The following TMEFF2 variants were observed in gnomAD, a reference collection of about 807,000 sequenced individuals.
The protein encoded by TMEFF2 is transmembrane protein with EGF like and two follistatin like domains 2, also known as tomoregulin-2.
In TMEFF2, 28 loss-of-function variants were observed where a neutral mutation model predicts 53.8. That is an observed-to-expected ratio of 0.52 (90% confidence interval 0.39 to 0.71). The LOEUF is 0.71. TMEFF2 is among the 30% of genes least tolerant of loss of function. The probability of loss-of-function intolerance (pLI) is 0.00; values close to 1 mark genes in which losing one functional copy is unlikely to be tolerated. For synonymous variants in TMEFF2, 162 were observed against 166.3 expected (o/e 0.97, Z 0.20); for missense variants, 353 against 455.2 (o/e 0.78, Z 2.04).
intron 1 of TMEFF2, among the ~76,000 whole-genome samples, chr2:192,193,574 T>A (rs1691513629): frequency 6.6e-6 from 1 of 152,128 alleles, no homozygotes; most frequent in Non-Finnish European, 1.5e-5. Flanking sequence ...CTCGCCTACA[T>A]GGAGCCTGAC....
intron 4 of TMEFF2, among the ~76,000 whole-genome samples, chr2:192,165,125 C>T (rs920594524): frequency 6.6e-6 from 1 of 151,994 alleles, no homozygotes; most frequent in Non-Finnish European, 1.5e-5. Flanking sequence ...AATAGAAACA[C>T]CTTACTTTTA....
At chr2:192,106,242 C>T (rs1689141390) in intron 4 of TMEFF2, among the ~76,000 whole-genome samples, 1 of 151,262 alleles carries the variant, frequency 6.6e-6, no homozygotes, top group African/African-American at 2.4e-5. Flanking sequence ...TGATAAACTG[C>T]CATTAAACAC....
At chr2:192,046,160 T>A (rs2105890961) in intron 5 of TMEFF2, among the ~76,000 whole-genome samples, 2 of 152,072 alleles carry the variant, frequency 1.3e-5, no homozygotes, top group South Asian at 4.2e-4. Context: ...AGGTCAGGAG[T>A]TCGAGACCAA....
At chr2:191,953,483 A>G (rs950759050) in intron 9 of TMEFF2, among the ~76,000 whole-genome samples, 196 bp downstream of exon 9, 1 of 152,220 alleles carries the variant, frequency 6.6e-6, no homozygotes, top group Non-Finnish European at 1.5e-5. Flanking sequence ...AATTAAGGAA[A>G]ATAATTTGTA....
intron 5 of TMEFF2, among the ~76,000 whole-genome samples, chr2:192,040,621 G>A (rs911332877): frequency 2.0e-5 from 3 of 152,072 alleles, no homozygotes; most frequent in East Asian, 1.9e-4. Flanking sequence ...CACTGGGGAC[G>A]CTTTGGGGGT....
chr2:192,007,628 C>A (rs1686530174), intron 5 of TMEFF2, among the ~76,000 whole-genome samples: 1 of 152,138 alleles, frequency 6.6e-6, no homozygotes, highest in Non-Finnish European at 1.5e-5. Context: ...GGCCTCAATT[C>A]CAGTCCAAGG....
At chr2:192,179,380 G>T in intron 4 of TMEFF2, 1 of 340,954 alleles carries the variant, frequency 2.9e-6, no homozygotes. Flanking sequence ...CTTCTCTTCA[G>T]AAGTTTTTAC....
chr2:191,996,910 G>C (rs755394499), intron 7 of TMEFF2, among the ~76,000 whole-genome samples: 4 of 151,478 alleles, frequency 2.6e-5, no homozygotes, highest in Non-Finnish European at 5.9e-5. Context: ...AGTACTTGTG[G>C]GTTCAGTAAG....
At chr2:192,067,454 G>T (rs917845909) in intron 4 of TMEFF2, among the ~76,000 whole-genome samples, 4 of 151,760 alleles carry the variant, frequency 2.6e-5, no homozygotes, top group Admixed American at 6.6e-5. Context: ...CATTTAAGGA[G>T]GTCATCAGTT....
At chr2:192,181,385 C>T (rs183960202) in intron 3 of TMEFF2, among the ~76,000 whole-genome samples, 15 of 151,556 alleles carry the variant, frequency 9.9e-5, no homozygotes, top group Admixed American at 2.0e-4. Context: ...TTAAATTTTC[C>T]CCTATAAACT....
intron 4 of TMEFF2, among the ~76,000 whole-genome samples, chr2:192,100,495 C>G (rs922790017): frequency 6.6e-6 from 1 of 152,182 alleles, no homozygotes; most frequent in Non-Finnish European, 1.5e-5. Context: ...GAATGACTAT[C>G]TTCACTCACT....
Position 191,965,974 on chromosome 2 carries a change from A to C in TMEFF2, c.746-9596T>G, listed in dbSNP as rs80066953. Among the ~76,000 whole-genome samples the C allele has an allele frequency of 4.3e-3, 603 of 140,756 alleles. 10 individuals carry two copies. In the East Asian group the frequency reaches 0.068, roughly 16 times the overall value. 92.3% of individuals were successfully genotyped at this position (140,756 alleles called of 152,430 possible). On this transcript the variant is annotated intron_variant, in intron 7 of 9. Transcript: ENST00000272771. ...CAGAAACTCCCTTTTAAAGGCTGGTAATATATTTGATTTAAGAAAAAAAAA... is the reference window on the plus strand; with the variant it reads ...CAGAAACTCCCTTTTAAAGGCTGGTCATATATTTGATTTAAGAAAAAAAAA...
intron 7 of TMEFF2, among the ~76,000 whole-genome samples, chr2:191,975,900 G>A (rs1052977557): frequency 1.3e-5 from 2 of 152,140 alleles, no homozygotes; most frequent in African/African-American, 4.8e-5. Flanking sequence ...ATCTCTTCAA[G>A]CTAGGACATT....
intron 4 of TMEFF2, among the ~76,000 whole-genome samples, chr2:192,079,035 C>T (rs1171216266): frequency 6.6e-6 from 1 of 152,186 alleles, no homozygotes; most frequent in Non-Finnish European, 1.5e-5. Context: ...AAGAAAAGAG[C>T]TTGCCATGTA....
rs1007773549 is a variant in TMEFF2, at chr2:192,034,025, A to G, written c.536+23654T>C. Among the ~76,000 whole-genome samples, 3 of 152,000 alleles carry G rather than the reference A, an allele frequency of 2.0e-5. No homozygotes were observed. In the East Asian group the frequency reaches 5.8e-4, roughly 29 times the overall value. The stretch of plus-strand genomic sequence containing the variant: ...CCCATCTCTACTAAAAATACAAAAA[A>G]TTAGCCGGGCGTGGTGGCAAGCGCC... On this transcript the variant is annotated intron_variant, in intron 5 of 9. Coordinates refer to ENST00000272771, the MANE Select transcript of TMEFF2 (RefSeq NM_016192.4).
chr2:192,126,253 T>TA (rs1295137896), intron 4 of TMEFF2, among the ~76,000 whole-genome samples: 1 of 152,198 alleles, frequency 6.6e-6, no homozygotes, highest in Non-Finnish European at 1.5e-5. Flanking sequence ...CTACATAAAA[T>TA]AGATCCTTAA....
chr2:192,103,287 CCTTT>C (rs940905980), intron 4 of TMEFF2, among the ~76,000 whole-genome samples: 5 of 152,132 alleles, frequency 3.3e-5, no homozygotes, highest in African/African-American at 7.2e-5. Context: ...TCTCCACGCC[CCTTT>C]CTTAGTACCA....
intron 4 of TMEFF2, among the ~76,000 whole-genome samples, chr2:192,067,670 G>A (rs1372674045): frequency 3.8e-4 from 58 of 151,712 alleles, no homozygotes; most frequent in Non-Finnish European, 4.3e-4. Flanking sequence ...AATGGCATTT[G>A]GTTTTGATAA....
At chr2:192,162,612 A>T (rs1312162588) in intron 4 of TMEFF2, among the ~76,000 whole-genome samples, 2 of 152,148 alleles carry the variant, frequency 1.3e-5, no homozygotes, top group Non-Finnish European at 2.9e-5. Context: ...GTATGATATG[A>T]GCGCCCCCTA....
Sources: gnomAD v4.1 joint callset for allele counts (sites outside exome capture counted in the v4.1 genomes callset) on GRCh38, gnomAD v4.1.1 for gene constraint, MANE v1.5 for transcripts, NCBI Gene and HGNC (gene_info 2026-07-23, HGNC 2026-07-21) for gene names.